SH3D21: variants seen among roughly 807,000 people sequenced by gnomAD.
The protein encoded by SH3D21 is SH3 domain-containing protein 21.
In SH3D21, 83 loss-of-function variants were observed where a neutral mutation model predicts 82.1. The ratio of observed to expected loss-of-function variants is 1.01; its 90% CI spans 0.85 to 1.21. The LOEUF (loss-of-function observed/expected upper bound fraction) is 1.21, where lower values mean the gene tolerates loss of function less well. Ranked by LOEUF, SH3D21 falls within the 50% of genes most tolerant of loss-of-function variation. The pLI is 0.00. For synonymous variants in SH3D21, 383 were observed against 387.8 expected (o/e 0.99, Z 0.15); for missense variants, 980 against 962.1 (o/e 1.02, Z -0.25).
chr1:36,306,520 T>C lies in SH3D21; in HGVS notation c.5-78T>C. The stretch of plus-strand genomic sequence containing the variant: ...GACCCCCGCTGCCCTCTACGGTGCT[T>C]GGGGACACGCCCGCCCTAGCCAGGC... On this transcript the variant is annotated intron_variant, in intron 1 of 15. Coordinates refer to ENST00000453908, the MANE Select transcript of SH3D21 (RefSeq NM_001162530.2). The surrounding 1 kb of genome is among the most constrained non-coding windows in gnomAD (Gnocchi z 4.5). 1 of 1,303,672 alleles carries C rather than the reference T, an allele frequency of 7.7e-7. No homozygotes were observed. The highest frequency in any genetic ancestry group is 1.2e-5 in the South Asian group (1 of 80,956). 80.8% of individuals were successfully genotyped at this position (1,303,672 alleles called of 1,614,324 possible).
At chr1:36,322,894 G>C, downstream of SH3D21, 1 of 1,569,638 alleles carries the variant, frequency 6.4e-7, no homozygotes, top group Non-Finnish European at 8.7e-7. Flanking sequence ...GGAGGGGACG[G>C]ACAAGGCGCT....
chr1:36,312,149 C>T (rs535977549), intron 10 of SH3D21, among the ~76,000 whole-genome samples: 118 of 152,086 alleles, frequency 7.8e-4, no homozygotes, highest in African/African-American at 2.7e-3. Context: ...CTCAGCCTCC[C>T]GAGTTGCTGG....
chr1:36,311,546 C>G (rs568406104), intron 10 of SH3D21, among the ~76,000 whole-genome samples: 138 of 152,208 alleles, frequency 9.1e-4, no homozygotes, highest in African/African-American at 3.2e-3. Flanking sequence ...GGCCTAAAAC[C>G]TTTAAAATGT....
chr1:36,319,733 A>C lies in SH3D21; in HGVS notation c.1070A>C (p.Asp357Ala), dbSNP rs1023756364. 1.3e-6 allele frequency: 2 copies of C among 1,597,834 alleles called. No individual in the cohort carries two copies. The highest frequency in any genetic ancestry group is 1.7e-6 in the Non-Finnish European group (2 of 1,173,656). Residue 357 changes from aspartate (D) to alanine (A), a missense_variant, in exon 14 of 16, where the codon GAC (aspartate) becomes GCC (alanine). Coordinates refer to ENST00000453908, the MANE Select transcript of SH3D21 (RefSeq NM_001162530.2). ...APSVKRTPMP[D>A]KTATPERPPA... is the part of the protein sequence containing the mutation. Reference sequence around the variant, plus strand: ...TCTGTGAAGAGAACCCCCATGCCGGACAAGACTGCCACCCCAGAGAGGCCC... The same window carrying C: ...TCTGTGAAGAGAACCCCCATGCCGGCCAAGACTGCCACCCCAGAGAGGCCC...
rs561757081 is a variant in SH3D21 at position 36,307,146 on chromosome 1, G to T, written c.227-21G>T. 7 of 1,551,082 alleles carry T rather than the reference G, an allele frequency of 4.5e-6. No homozygotes were observed. Among genetic ancestry groups the T allele is most frequent in the Non-Finnish European group, 5.2e-6 (6 of 1,146,784 alleles). ...GACTGGGGCGTCCGACTGGAGCTCAGCCGCGCTTGTCCGGTGCTAGGTCAT... is the reference window on the plus strand; with the variant it reads ...GACTGGGGCGTCCGACTGGAGCTCATCCGCGCTTGTCCGGTGCTAGGTCAT... On this transcript the variant is annotated intron_variant, in intron 3 of 15. Transcript: ENST00000453908. This position sits in a 1 kb window ranked among gnomAD's most constrained non-coding sequence, Gnocchi z 5.4.
downstream of SH3D21, chr1:36,321,621 G>A: frequency 1.0e-6 from 1 of 993,542 alleles, no homozygotes; most frequent in Non-Finnish European, 1.2e-6. This position sits in a 1 kb window ranked among gnomAD's most constrained non-coding sequence, Gnocchi z 6.1. Context: ...CGGCGCAGAC[G>A]TGAAGTCCAC....
chr1:36,319,902 C>T lies in SH3D21; in HGVS notation c.1239C>T (p.Val413=), dbSNP rs754958320. Residue 413 remains valine (V), a synonymous_variant, in exon 14 of 16, where the codon GTC becomes GTT. Transcript: ENST00000453908. ...GGAAGATCCCAGCTCCTGACAAAGTCCCCACCCCAGAGAAGATGGTGACTC... is the reference window on the plus strand; with the variant it reads ...GGAAGATCCCAGCTCCTGACAAAGTTCCCACCCCAGAGAAGATGGTGACTC... The part of the protein sequence containing the change: ...TSGKIPAPDK[V]PTPEKMVTPE... The T allele has an allele frequency of 1.2e-6, 2 of 1,613,954 alleles. No individual in the cohort carries two copies. Among genetic ancestry groups the T allele is most frequent in the Admixed American group, 1.7e-5 (1 of 59,982 alleles).
At chr1:36,322,225 G>A, downstream of SH3D21, 1 of 1,414,252 alleles carries the variant, frequency 7.1e-7, no homozygotes, top group Non-Finnish European at 9.2e-7. Flanking sequence ...CAGTCCGAAG[G>A]TGTGGGGTAG....
At chr1:36,322,368 T>A, downstream of SH3D21, 1 of 1,589,800 alleles carries the variant, frequency 6.3e-7, no homozygotes, top group Non-Finnish European at 8.5e-7. Flanking sequence ...GCCCAGCAGG[T>A]CCGGCTGCCC....
intron 12 of SH3D21, 56 bp downstream of exon 12, chr1:36,319,368 T>C (rs893417748): frequency 6.4e-7 from 1 of 1,550,712 alleles, no homozygotes; most frequent in Non-Finnish European, 8.7e-7. Flanking sequence ...ATGGGGTGGC[T>C]GTGCGGAGGG....
intron 9 of SH3D21, 150 bp from the exon 10 acceptor site, chr1:36,309,398 T>C (rs1646193396): frequency 1.3e-6 from 1 of 787,996 alleles, no homozygotes; most frequent in Non-Finnish European, 1.9e-6. Context: ...GATTTTGCCA[T>C]GTTGGCCAAG....
downstream of SH3D21, chr1:36,322,507 G>A (rs1275236221): frequency 1.9e-6 from 3 of 1,601,902 alleles, no homozygotes; most frequent in South Asian, 2.2e-5. Context: ...TCGGGGCCCG[G>A]CAGCGTGTCG....
intron 10 of SH3D21, among the ~76,000 whole-genome samples, chr1:36,317,540 GTTCC>G (rs1646365156): frequency 6.6e-6 from 1 of 152,076 alleles, no homozygotes; most frequent in South Asian, 2.1e-4. Flanking sequence ...ATTTAAAATG[GTTCC>G]TTCCTCTGCC....
At chr1:36,321,686 G>A, downstream of SH3D21, 1 of 1,017,676 alleles carries the variant, frequency 9.8e-7, no homozygotes, top group Non-Finnish European at 1.2e-6. The surrounding 1 kb of genome is among the most constrained non-coding windows in gnomAD (Gnocchi z 6.1). Flanking sequence ...TTAGCCTCGA[G>A]GTCAGGGTCC....
rs1414989480 is a variant in SH3D21, at chr1:36,321,148, C to A, written c.*21C>A. 6.2e-7 allele frequency: 1 copy of A among 1,606,120 alleles called. No homozygotes were observed. The highest frequency in any genetic ancestry group is 8.5e-7 in the Non-Finnish European group (1 of 1,176,792). The stretch of plus-strand genomic sequence containing the variant: ...ACTGAGGGTGGGCCTGGGAAGGGAC[C>A]GCGGCCTGACCTGGCTGGGGCCACC... On this transcript the variant is annotated 3_prime_UTR_variant, in exon 16 of 16. Transcript: ENST00000453908. This position sits in a 1 kb window ranked among gnomAD's most constrained non-coding sequence, Gnocchi z 6.1.
In SH3D21 at chr1:36,307,552, G is replaced by A. The variant is rs1190560777; in HGVS notation, c.381G>A (p.Gly127=). 1.1e-5 allele frequency: 17 copies of A among 1,551,584 alleles called. No individual in the cohort carries two copies. The highest frequency in any genetic ancestry group is 1.4e-5 in the Non-Finnish European group (16 of 1,146,998). The change falls in exon 5 of 16, where the codon GGG becomes GGA. Residue 127 remains glycine, a synonymous_variant. Transcript: ENST00000453908. The surrounding 1 kb of genome is among the most constrained non-coding windows in gnomAD (Gnocchi z 5.4). ...EDGWWLGKKN[G]QLGAFPSNFV... ...GCTGGTGGCTGGGGAAGAAGAACGG[G>A]CAGCTGGGAGCCTTCCCATCCAACT...
chr1:36,311,379 T>TCTG (rs1457465786), intron 10 of SH3D21, among the ~76,000 whole-genome samples: 1 of 152,190 alleles, frequency 6.6e-6, no homozygotes, highest in African/African-American at 2.4e-5. Context: ...TAGCTGGGAC[T>TCTG]ACAGGCGCCT....
intron 9 of SH3D21, 22 bp from the exon 10 acceptor site, chr1:36,309,526 C>T (rs1354343637): frequency 4.1e-5 from 64 of 1,551,150 alleles, no homozygotes; most frequent in Non-Finnish European, 5.5e-5. Context: ...GGATGCTCAA[C>T]CTTTACTTCT....
At chr1:36,327,834 A>G (rs2124713098), downstream of SH3D21, 2 of 1,288,684 alleles carry the variant, frequency 1.6e-6, no homozygotes, top group East Asian at 5.6e-5. Flanking sequence ...CCTTTGGCCA[A>G]TGTGGCTGTC....
Sources: gnomAD v4.1 joint callset for allele counts (sites outside exome capture counted in the v4.1 genomes callset) on GRCh38, gnomAD v4.1.1 for gene constraint, Gnocchi (gnomAD v3.1) non-coding constraint, MANE v1.5 for transcripts, NCBI Gene and HGNC (gene_info 2026-07-23, HGNC 2026-07-21) for gene names.